ACOT6: variants seen among roughly 807,000 people sequenced by gnomAD.
ACOT6 encodes acyl-coenzyme A thioesterase 6.
In ACOT6, 14 loss-of-function variants were observed where a neutral mutation model predicts 12.3. The observed-to-expected ratio is 1.14, with a 90% CI of 0.75 to 1.78. ACOT6 has a LOEUF of 1.78. Among genes scored for constraint, ACOT6 ranks in the 40% most tolerant of loss-of-function variants. The pLI is 0.00. For synonymous variants in ACOT6, 218 were observed against 231.3 expected, an observed-to-expected ratio of 0.94 and a Z score of 0.52; for missense variants, 523 against 551.8, an observed-to-expected ratio of 0.95 and a Z score of 0.52.
rs1595184796 is a variant in ACOT6, at chr14:73,612,865, G to A, written c.294G>A (p.Val98=). 2.8e-6 allele frequency: 4 copies of A among 1,406,356 alleles called. No individual in the cohort carries two copies. Among genetic ancestry groups the A allele is most frequent in the African/African-American group, 1.5e-5 (1 of 66,842 alleles). 87.1% of individuals were successfully genotyped at this position (1,406,356 alleles called of 1,614,324 possible). A position where few individuals can be genotyped will look rare whatever the true frequency, so the allele number is the denominator to read the frequency against. Residue 98 remains valine, a synonymous_variant, in exon 1 of 3, where the codon GTG becomes GTA. Transcript: ENST00000645972. ...KALVRLVKRD[V]RTPFAVELEV... ...TGGTGCGGCTGGTGAAGCGCGACGT[G>A]CGGACGCCCTTCGCCGTGGAGCTGG...
chr14:73,611,545 A>C (rs1890444566), upstream of ACOT6: 3 of 152,104 alleles, frequency 2.0e-5, no homozygotes, highest in Admixed American at 6.6e-5. Context: ...TACTGCCAGA[A>C]CTCTGTATGC....
chr14:73,613,945 T>TGA (rs1890491104), intron 1 of ACOT6, among the ~76,000 whole-genome samples: 1 of 148,462 alleles, frequency 6.7e-6, no homozygotes, highest in Non-Finnish European at 1.5e-5. Context: ...ATCCCAGCAC[T>TGA]TTGGGAGGCT....
At chr14:73,618,893 G>A (rs1890583475) in intron 2 of ACOT6, among the ~76,000 whole-genome samples, 1 of 152,194 alleles carries the variant, frequency 6.6e-6, no homozygotes, top group South Asian at 2.1e-4. Flanking sequence ...CACTTTGGGA[G>A]GCCAAGGCAG....
Position 73,612,922 on chromosome 14 carries a change from G to T in ACOT6, c.351G>T (p.Gly117=). Reference sequence around the variant, plus strand: ...TGGACGGCCACGACACCGAGCCCGGGCGGCTGCTGTGCCTGGCGCAGAACA... The same window carrying T: ...TGGACGGCCACGACACCGAGCCCGGTCGGCTGCTGTGCCTGGCGCAGAACA... ...EVLDGHDTEP[G]RLLCLAQNKR... Residue 117 remains glycine (G), a synonymous_variant, in exon 1 of 3, where the codon GGG becomes GGT. Transcript: ENST00000645972. The T allele has an allele frequency of 7.4e-7, 1 of 1,352,970 alleles. No individual in the cohort carries two copies. Among genetic ancestry groups the T allele is most frequent in the South Asian group, 1.4e-5 (1 of 72,400 alleles). 83.8% of individuals were successfully genotyped at this position (1,352,970 alleles called of 1,614,324 possible).
At chr14:73,614,458 G>A (rs912663130) in intron 1 of ACOT6, among the ~76,000 whole-genome samples, 1 of 151,526 alleles carries the variant, frequency 6.6e-6, no homozygotes, top group Non-Finnish European at 1.5e-5. Flanking sequence ...ATACTGACTG[G>A]GCCAGGCGCA....
chr14:73,618,637 G>A (rs1890579800), intron 2 of ACOT6, among the ~76,000 whole-genome samples: 3 of 151,986 alleles, frequency 2.0e-5, no homozygotes, highest in Admixed American at 2.0e-4. Flanking sequence ...ATAATATACT[G>A]TATTTAACAG....
chr14:73,614,026 CAAAAAAAA>C (rs59411143), intron 1 of ACOT6, among the ~76,000 whole-genome samples: 13 of 92,958 alleles, frequency 1.4e-4, no homozygotes, highest in Non-Finnish European at 1.7e-4. Flanking sequence ...TCTGTCTCTA[CAAAAAAAA>C]AAAAAAAAAA....
Position 73,612,618 on chromosome 14 carries a change from A to G in ACOT6, c.47A>G (p.Asp16Gly). ...ILEPAGRCCW[D>G]EPLRIAVRGL... ...GAGCCCGCGGGCCGCTGCTGCTGGG[A>G]CGAGCCGCTGCGCATCGCAGTGCGC... Residue 16 changes from aspartate to glycine, a missense_variant, in exon 1 of 3, where the codon GAC becomes GGC. Asp to Gly is a moderately conservative substitution (Grantham distance 94). Transcript: ENST00000645972. 1 of 1,418,182 alleles carries G rather than the reference A, an allele frequency of 7.1e-7. No homozygotes were observed. Among genetic ancestry groups the G allele is most frequent in the Non-Finnish European group, 9.2e-7 (1 of 1,082,050 alleles). 87.8% of individuals were successfully genotyped at this position (1,418,182 alleles called of 1,614,324 possible). A position where few individuals can be genotyped will look rare whatever the true frequency, so the allele number is the denominator to read the frequency against.
At chr14:73,616,709 T>A (rs1033356982) in intron 1 of ACOT6, 13 of 229,910 alleles carry the variant, frequency 5.7e-5, no homozygotes, top group Middle Eastern at 1.3e-3. Flanking sequence ...ATTTTTTTTT[T>A]AATTTCAATA....
At chr14:73,615,015 G>A (rs1365568234) in intron 1 of ACOT6, among the ~76,000 whole-genome samples, 1 of 150,852 alleles carries the variant, frequency 6.6e-6, no homozygotes. Context: ...CTTGAACCCA[G>A]GGGGCAGAGG....
intron 1 of ACOT6, among the ~76,000 whole-genome samples, chr14:73,614,017 C>CT (rs1157151939): frequency 2.0e-5 from 2 of 97,610 alleles, no homozygotes; most frequent in Admixed American, 1.4e-4. Flanking sequence ...TGGTGAAACT[C>CT]TGTCTCTACA....
rs1205517266 is a variant in ACOT6 at position 73,612,654 on chromosome 14, C to G, written c.83C>G (p.Pro28Arg). The change falls in exon 1 of 3, where the codon CCG (proline) becomes CGG (arginine). Residue 28 changes from proline to arginine, a missense_variant. By Grantham distance (103) the Pro-to-Arg change is moderately radical. Coordinates refer to ENST00000645972, the MANE Select transcript of ACOT6 (RefSeq NM_001365788.1). ...CGCATCGCAGTGCGCGGCCTGGCCC[C>G]GGAGCAGCCAGTCACGCTGCGCACG... is the stretch of plus-strand genomic sequence containing the variant. ...PLRIAVRGLA[P>R]EQPVTLRTSL... 13 of 1,408,364 alleles carry G rather than the reference C, an allele frequency of 9.2e-6. No homozygotes were observed. Among genetic ancestry groups the G allele is most frequent in the Non-Finnish European group, 1.0e-5 (11 of 1,083,372 alleles). The allele number at this position is 1,408,364 out of a possible 1,614,324, so 87.2% of individuals were successfully genotyped here.
rs1014645146 is a variant in ACOT6 at position 73,612,914 on chromosome 14, G to T, written c.343G>T (p.Glu115Ter). The change falls in exon 1 of 3, where the codon GAG (glutamate) becomes TAG (stop). Residue 115 changes from glutamate (E) to a stop codon, truncating the protein, a stop_gained. Transcript: ENST00000645972. LOFTEE classifies it high-confidence loss of function. The part of the protein sequence containing the change: ...ELEVLDGHDT[E>*]PGRLLCLAQN... ...GGAAGTGCTGGACGGCCACGACACCGAGCCCGGGCGGCTGCTGTGCCTGGC... is the reference window on the plus strand; with the variant it reads ...GGAAGTGCTGGACGGCCACGACACCTAGCCCGGGCGGCTGCTGTGCCTGGC... 2.1e-5 allele frequency: 28 copies of T among 1,356,196 alleles called. No homozygotes were observed. The African/African-American group carries it at 2.6e-4, about 13-fold the overall frequency. The allele number at this position is 1,356,196 out of a possible 1,614,324, so 84.0% of individuals were successfully genotyped here. A position where few individuals can be genotyped will look rare whatever the true frequency, so the allele number is the denominator to read the frequency against.
chr14:73,613,064 G>T (rs1490528803), intron 1 of ACOT6, 32 bp downstream of exon 1: 6 of 603,012 alleles, frequency 1.0e-5, no homozygotes, highest in Non-Finnish European at 1.6e-5. Context: ...CGAGCTCTGC[G>T]ACCCCCACCG....
In ACOT6 at chr14:73,617,118, C is replaced by T; in HGVS notation, c.586C>T (p.Leu196Phe). 1 of 1,608,586 alleles carries T rather than the reference C, an allele frequency of 6.2e-7. No individual in the cohort carries two copies. Among genetic ancestry groups the T allele is most frequent in the Non-Finnish European group, 8.5e-7 (1 of 1,175,152 alleles). ...CCTGGCTTATTTCAGATTTGAAGAC[C>T]TCCCCGAAGATCTGAATGATGTACA... ...LALAYFRFEDLPEDLNDVHLE... is the reference protein window; with the variant it reads ...LALAYFRFEDFPEDLNDVHLE... The change falls in exon 2 of 3, where the codon CTC (leucine) becomes TTC (phenylalanine). Residue 196 changes from leucine to phenylalanine, a missense_variant. Physicochemically the swap from Leu to Phe is conservative, Grantham distance 22. Around this residue, in one of 2 missense-constraint regions of ACOT6, gnomAD observed 219 missense variants for 277.0 expected, o/e 0.79. Transcript: ENST00000645972.
At position 73,617,068 on chromosome 14, in the gene ACOT6, C is replaced by A; in HGVS notation, c.536C>A (p.Ala179Asp). ...GLCEYRASLL[A>D]GHGFAVLALA... ...TGTGAATACAGGGCCAGCCTCCTGG[C>A]CGGACATGGTTTTGCTGTGCTTGCC... The change falls in exon 2 of 3, where the codon GCC (alanine) becomes GAC (aspartate). Residue 179 changes from alanine to aspartate, a missense_variant. By Grantham distance (126) the Ala-to-Asp change is moderately radical. This residue lies in a region of ACOT6 where 304 missense variants were observed against 274.8 expected (regional missense o/e 1.11). Coordinates refer to ENST00000645972, the MANE Select transcript of ACOT6 (RefSeq NM_001365788.1). 7.1e-7 allele frequency: 1 copy of A among 1,411,362 alleles called. No individual in the cohort carries two copies. The highest frequency in any genetic ancestry group is 1.2e-5 in the South Asian group (1 of 86,368). 87.4% of individuals were successfully genotyped at this position (1,411,362 alleles called of 1,614,324 possible).
chr14:73,616,343 A>G (rs1257876583), intron 1 of ACOT6, among the ~76,000 whole-genome samples: 4 of 151,798 alleles, frequency 2.6e-5, no homozygotes, highest in Non-Finnish European at 5.9e-5. Context: ...TTTGAGATAG[A>G]GTCTCACTCT....
At chr14:73,612,391 C>CTGG, upstream of ACOT6, 1 of 428,678 alleles carries the variant, frequency 2.3e-6, no homozygotes, top group Non-Finnish European at 4.0e-6. Context: ...ATTTGGGACA[C>CTGG]TGGTGTATTT....
chr14:73,612,656 G>A lies in ACOT6; in HGVS notation c.85G>A (p.Glu29Lys). The A allele has an allele frequency of 7.1e-7, 1 of 1,409,466 alleles. No individual in the cohort carries two copies. The highest frequency in any genetic ancestry group is 9.2e-7 in the Non-Finnish European group (1 of 1,083,918). 87.3% of individuals were successfully genotyped at this position (1,409,466 alleles called of 1,614,324 possible). The change falls in exon 1 of 3, where the codon GAG (glutamate) becomes AAG (lysine). Residue 29 changes from glutamate to lysine, a missense_variant. Coordinates refer to ENST00000645972, the MANE Select transcript of ACOT6 (RefSeq NM_001365788.1). Reference protein sequence around the residue: ...LRIAVRGLAPEQPVTLRTSLR... With the variant: ...LRIAVRGLAPKQPVTLRTSLR... ...CATCGCAGTGCGCGGCCTGGCCCCG[G>A]AGCAGCCAGTCACGCTGCGCACGTC... is the stretch of plus-strand genomic sequence containing the variant.
Sources: allele counts gnomAD v4.1 joint callset (sites outside exome capture counted in the v4.1 genomes callset), GRCh38; gene constraint gnomAD v4.1.1; regional missense constraint gnomAD v4.1.1; transcripts MANE v1.5; gene names NCBI Gene and HGNC (gene_info 2026-07-23, HGNC 2026-07-21).